Variants in NKAIN3 observed in about 807,000 individuals in gnomAD.
NKAIN3 encodes the protein sodium/potassium transporting ATPase interacting 3.
Under a neutral mutation model 30.2 loss-of-function variants are expected in NKAIN3, and 25 were observed. The observed-to-expected ratio is 0.83, with a 90% CI of 0.60 to 1.16. The LOEUF is 1.16. NKAIN3 is among the 50% of genes most tolerant of loss of function. The pLI is 0.00. For missense variants in NKAIN3, 225 were observed against 254.1 expected (o/e 0.89, Z 0.78); for synonymous variants, 91 against 89.6 (o/e 1.02, Z -0.09).
chr8:62,966,284 T>G lies in NKAIN3; in HGVS notation c.*877T>G. ...CCTGAAAATGCTGTAGCATTCTCTA[T>G]AAATACTTCTAAAGGAGACATTCAC... On this transcript the variant is annotated 3_prime_UTR_variant, in exon 7 of 7. Coordinates refer to ENST00000623646, the MANE Select transcript of NKAIN3 (RefSeq NM_001304533.3). 1.0e-6 allele frequency: 1 copy of G among 985,132 alleles called. No individual in the cohort carries two copies. The allele number at this position is 985,132 out of a possible 1,614,324, so 61.0% of individuals were successfully genotyped here.
chr8:62,736,749 G>C (rs1815689708), intron 3 of NKAIN3, among the ~76,000 whole-genome samples: 1 of 152,142 alleles, frequency 6.6e-6, no homozygotes. Flanking sequence ...AGTCAAAATT[G>C]TTACAAAGTT....
intron 4 of NKAIN3, among the ~76,000 whole-genome samples, chr8:62,766,089 A>G (rs906281168): frequency 6.6e-6 from 1 of 152,168 alleles, no homozygotes; most frequent in Admixed American, 6.6e-5. Context: ...AACCGGGTAG[A>G]TTCCGTATCT....
chr8:62,442,399 T>A (rs953614477), intron 1 of NKAIN3, among the ~76,000 whole-genome samples: 26 of 151,988 alleles, frequency 1.7e-4, no homozygotes, highest in African/African-American at 5.5e-4. Context: ...AAACAGTAGT[T>A]TATTATTATA....
chr8:62,825,201 A>T (rs2130736716), intron 4 of NKAIN3, among the ~76,000 whole-genome samples: 1 of 152,350 alleles, frequency 6.6e-6, no homozygotes, highest in East Asian at 1.9e-4. Flanking sequence ...TGTGTTAGAA[A>T]GTAGACTTTT....
At chr8:62,289,578 C>T (rs373889792) in intron 1 of NKAIN3, among the ~76,000 whole-genome samples, 1 of 152,022 alleles carries the variant, frequency 6.6e-6, no homozygotes, top group East Asian at 1.9e-4. Context: ...TTTCTGGGGG[C>T]TCTATTCTAT....
chr8:62,576,409 G>T (rs1810109661), intron 1 of NKAIN3, among the ~76,000 whole-genome samples: 1 of 151,916 alleles, frequency 6.6e-6, no homozygotes, highest in African/African-American at 2.4e-5. Context: ...GTTCTGTAAA[G>T]GTCTCATTCA....
At chr8:62,804,553 A>T (rs1202088045) in intron 4 of NKAIN3, among the ~76,000 whole-genome samples, 1 of 152,306 alleles carries the variant, frequency 6.6e-6, no homozygotes, top group Admixed American at 6.5e-5. Context: ...CAAAAACCAC[A>T]CGATTATCTC....
intron 1 of NKAIN3, among the ~76,000 whole-genome samples, chr8:62,480,723 T>C (rs1563417772): frequency 6.6e-6 from 1 of 152,108 alleles, no homozygotes; most frequent in Non-Finnish European, 1.5e-5. Flanking sequence ...ATTTCCTGTA[T>C]TACTTTCAGT....
At chr8:62,249,274 G>T in intron 1 of NKAIN3, 147 bp downstream of exon 1, 1 of 678,894 alleles carries the variant, frequency 1.5e-6, no homozygotes, top group African/African-American at 1.9e-5. Flanking sequence ...CCACCGCCTG[G>T]CTGGGCTCGC....
intron 5 of NKAIN3, among the ~76,000 whole-genome samples, chr8:62,940,716 C>A (rs1433568763): frequency 6.6e-6 from 1 of 151,914 alleles, no homozygotes; most frequent in Non-Finnish European, 1.5e-5. Flanking sequence ...ATTGTTTGAA[C>A]TGAACAATAA....
rs1401201886 is a variant in NKAIN3, at chr8:62,967,773, T to G, written c.*2366T>G. Among the ~76,000 whole-genome samples the G allele has an allele frequency of 6.6e-6, 1 of 152,200 alleles. No homozygotes were observed. The highest frequency in any genetic ancestry group is 1.5e-5 in the Non-Finnish European group (1 of 68,036). On this transcript the variant is annotated 3_prime_UTR_variant, in exon 7 of 7. Coordinates refer to ENST00000623646, the MANE Select transcript of NKAIN3 (RefSeq NM_001304533.3). ...ATGAGTATTGACATATTTTAAACTG[T>G]CACTTAATTACCCCCACACATACAC...
intron 1 of NKAIN3, among the ~76,000 whole-genome samples, chr8:62,478,735 C>T (rs1806600894): frequency 6.6e-6 from 1 of 152,106 alleles, no homozygotes; most frequent in Admixed American, 6.6e-5. Context: ...ATACACTAAA[C>T]CAAATAAACC....
intron 4 of NKAIN3, among the ~76,000 whole-genome samples, chr8:62,808,830 C>T (rs1161818669): frequency 1.3e-5 from 2 of 152,084 alleles, no homozygotes; most frequent in Non-Finnish European, 2.9e-5. Context: ...TCATTGATAA[C>T]ATCTTATCAG....
chr8:62,797,642 TA>T (rs1817902656), intron 4 of NKAIN3, among the ~76,000 whole-genome samples: 1 of 152,122 alleles, frequency 6.6e-6, no homozygotes, highest in African/African-American at 2.4e-5. Flanking sequence ...ATAAATGAAT[TA>T]AAAATTGTAA....
At chr8:62,951,171 G>C (rs1823275626) in intron 5 of NKAIN3, among the ~76,000 whole-genome samples, 1 of 152,032 alleles carries the variant, frequency 6.6e-6, no homozygotes, top group Non-Finnish European at 1.5e-5. Flanking sequence ...GTGTGTGAGA[G>C]GCACTGAAAT....
At chr8:62,587,651 A>G (rs1810520199) in intron 2 of NKAIN3, among the ~76,000 whole-genome samples, 1 of 152,120 alleles carries the variant, frequency 6.6e-6, no homozygotes, top group South Asian at 2.1e-4. Flanking sequence ...CTGACACTAA[A>G]TAGGTGATTA....
At chr8:62,525,426 C>A (rs6981632) in intron 1 of NKAIN3, among the ~76,000 whole-genome samples, 1 of 152,018 alleles carries the variant, frequency 6.6e-6, no homozygotes, top group African/African-American at 2.4e-5. Context: ...GTTTTGTACA[C>A]CAGCTTCTTG....
intron 1 of NKAIN3, among the ~76,000 whole-genome samples, chr8:62,361,283 T>A (rs1375396551): frequency 1.3e-5 from 2 of 152,272 alleles, no homozygotes; most frequent in African/African-American, 4.8e-5. Flanking sequence ...TATGACCTGA[T>A]CTTATGTTTA....
At chr8:62,451,603 G>A (rs943197229) in intron 1 of NKAIN3, among the ~76,000 whole-genome samples, 1 of 152,114 alleles carries the variant, frequency 6.6e-6, no homozygotes, top group African/African-American at 2.4e-5. Flanking sequence ...AAAACATTTT[G>A]TAGAAGCCTA....
Sources: gnomAD v4.1 joint callset for allele counts (sites outside exome capture counted in the v4.1 genomes callset) on GRCh38, gnomAD v4.1.1 for gene constraint, MANE v1.5 for transcripts, NCBI Gene and HGNC (gene_info 2026-07-23, HGNC 2026-07-21) for gene names.